DMD: variants seen among roughly 807,000 people sequenced by gnomAD.
The protein encoded by DMD is dystrophin.
DMD carries 63 observed loss-of-function variants against 330.1 expected under a neutral mutation model. The observed-to-expected ratio is 0.19, with a 90% CI of 0.16 to 0.24. DMD has a LOEUF of 0.24. Ranked by LOEUF, DMD falls within the 10% of genes least tolerant of loss-of-function variation. DMD has a pLI of 1.00. For missense variants in DMD, 3,344 were observed against 2,684.1 expected (o/e 1.25, Z -5.43); for synonymous variants, 1,223 against 959.8 (o/e 1.27, Z -5.07).
At chrX:32,451,868 G>T (rs2098331308) in intron 26 of DMD, among the ~76,000 whole-genome samples, 1 of 110,697 alleles carries the variant, frequency 9.0e-6, no homozygotes, top group African/African-American at 3.3e-5. Flanking sequence ...AGTGGTTGTT[G>T]CCAGAGGCTT....
At chrX:32,866,903 T>C (rs775891026) in intron 2 of DMD, among the ~76,000 whole-genome samples, 1 of 110,602 alleles carries the variant, frequency 9.0e-6, no homozygotes, top group Admixed American at 9.6e-5. Context: ...CCAGCTGATT[T>C]TTGTATTTTT....
intron 29 of DMD, among the ~76,000 whole-genome samples, chrX:32,413,496 T>C (rs1302422568): frequency 9.1e-6 from 1 of 110,330 alleles, no homozygotes; most frequent in Non-Finnish European, 1.9e-5. Context: ...AGTTCTTGAT[T>C]CCAATCTTTT....
At position 32,386,442 on chromosome X, in the gene DMD, T is replaced by A; in HGVS notation, c.4542A>T (p.Glu1514Asp). 1 of 1,206,983 alleles carries A rather than the reference T, an allele frequency of 8.3e-7. No homozygotes were observed. Among genetic ancestry groups the A allele is most frequent in the Non-Finnish European group, 1.1e-6 (1 of 891,924 alleles). ...HCVNLYKSLS[E>D]VKSEVEMVIK... ...TCACCATTTCCACTTCAGACTTCAC[T>A]TCACTCAGACTTTTATACAAGTTCT... Residue 1514 changes from glutamate (E) to aspartate (D), a missense_variant, in exon 33 of 79, where the codon GAA becomes GAT. Coordinates refer to ENST00000357033, the MANE Select transcript of DMD (RefSeq NM_004006.3).
chrX:32,221,536 T>G (rs959620051), intron 43 of DMD, among the ~76,000 whole-genome samples: 1 of 112,071 alleles, frequency 8.9e-6, no homozygotes, highest in Non-Finnish European at 1.9e-5. Flanking sequence ...TTTTTACATC[T>G]TTTATTTTAT....
rs202050747 is a variant in DMD at position 32,893,397 on chromosome X, T to C, written c.94-43577A>G. Among the ~76,000 whole-genome samples the C allele has an allele frequency of 3.6e-5, 4 of 111,906 alleles. No homozygotes were observed. In the East Asian group the frequency reaches 1.1e-3, roughly 31 times the overall value. Reference sequence around the variant, plus strand: ...CTCATTCTCTCATGTCTTCCATTTCTTTCCTTAAAAAATGAGAATACCACC... The same window carrying C: ...CTCATTCTCTCATGTCTTCCATTTCCTTCCTTAAAAAATGAGAATACCACC... On this transcript the variant is annotated intron_variant, in intron 2 of 78. Transcript: ENST00000357033.
intron 49 of DMD, among the ~76,000 whole-genome samples, chrX:31,826,998 T>C (rs1282901506): frequency 8.9e-6 from 1 of 112,261 alleles, no homozygotes; most frequent in East Asian, 2.8e-4. Context: ...TATACTTTGC[T>C]TGAAAATATT....
At chrX:31,570,143 G>A (rs1196604953) in intron 55 of DMD, among the ~76,000 whole-genome samples, 1 of 111,282 alleles carries the variant, frequency 9.0e-6, no homozygotes, top group Non-Finnish European at 1.9e-5. Flanking sequence ...CAGTCTCTCA[G>A]TTTCTTCTTG....
intron 55 of DMD, among the ~76,000 whole-genome samples, chrX:31,551,938 A>G (rs1350501996): frequency 8.9e-6 from 1 of 112,319 alleles, no homozygotes; most frequent in Non-Finnish European, 1.9e-5. Context: ...TTGCCACTTA[A>G]GAACAAATGG....
At chrX:32,824,916 C>T (rs1180740646) in intron 4 of DMD, among the ~76,000 whole-genome samples, 1 of 111,442 alleles carries the variant, frequency 9.0e-6, no homozygotes, top group African/African-American at 3.3e-5. Flanking sequence ...TCATCATCTG[C>T]ATCATCATCT....
At chrX:31,309,199 C>T (rs1017279066) in intron 62 of DMD, among the ~76,000 whole-genome samples, 1 of 111,830 alleles carries the variant, frequency 8.9e-6, no homozygotes, top group Non-Finnish European at 1.9e-5. Flanking sequence ...CAAGCGTTGT[C>T]AGAGAGTTTA....
chrX:31,180,169 A>T (rs760865156), intron 69 of DMD, among the ~76,000 whole-genome samples: 4 of 111,678 alleles, frequency 3.6e-5, no homozygotes, highest in African/African-American at 1.3e-4. Flanking sequence ...TTGAGGGTCT[A>T]TCATGTTCCA....
intron 51 of DMD, among the ~76,000 whole-genome samples, chrX:31,772,142 C>A (rs2149236000): frequency 8.9e-6 from 1 of 112,255 alleles, no homozygotes; most frequent in East Asian, 2.8e-4. Context: ...CGTGGTGGAA[C>A]CAAATATAAT....
At chrX:32,472,878 T>A (rs976436722) in intron 21 of DMD, among the ~76,000 whole-genome samples, 1 of 111,251 alleles carries the variant, frequency 9.0e-6, no homozygotes, top group African/African-American at 3.3e-5. Context: ...TTAATTCTTA[T>A]AATAAACCTG....
intron 60 of DMD, among the ~76,000 whole-genome samples, chrX:31,371,025 G>C (rs186289343): frequency 1.8e-5 from 2 of 111,503 alleles, no homozygotes; most frequent in South Asian, 3.8e-4. Context: ...TAGGAGGTAG[G>C]GGGGGCAGGG....
chrX:31,650,551 T>A (rs1020833235), intron 54 of DMD, among the ~76,000 whole-genome samples: 1 of 111,295 alleles, frequency 9.0e-6, no homozygotes, highest in Admixed American at 9.6e-5. Context: ...CATAAAACAG[T>A]CCTTAAGTAG....
chrX:32,936,675 G>C (rs1359730307), intron 2 of DMD, among the ~76,000 whole-genome samples: 2 of 111,693 alleles, frequency 1.8e-5, no homozygotes, highest in Non-Finnish European at 3.8e-5. Flanking sequence ...CAGATAACTG[G>C]ATAAAGGAAG....
chrX:32,854,801 G>C (rs2081408858), intron 2 of DMD, among the ~76,000 whole-genome samples: 1 of 111,444 alleles, frequency 9.0e-6, no homozygotes, highest in Admixed American at 9.6e-5. Flanking sequence ...TTGTGAAAAA[G>C]AGGAGGAGGA....
chrX:31,370,212 A>C (rs1340016737), intron 60 of DMD, among the ~76,000 whole-genome samples: 2 of 111,416 alleles, frequency 1.8e-5, no homozygotes, highest in South Asian at 7.6e-4. Flanking sequence ...GATAAATTCA[A>C]CCTCGCCAAA....
intron 9 of DMD, among the ~76,000 whole-genome samples, chrX:32,671,084 C>A (rs1241769982): frequency 9.0e-6 from 1 of 110,835 alleles, no homozygotes; most frequent in East Asian, 2.8e-4. Flanking sequence ...ATATACTCAG[C>A]TACAAGTGGG....
Sources: gnomAD v4.1 joint callset for allele counts (sites outside exome capture counted in the v4.1 genomes callset) on GRCh38, gnomAD v4.1.1 for gene constraint, MANE v1.5 for transcripts, NCBI Gene and HGNC (gene_info 2026-07-23, HGNC 2026-07-21) for gene names.